Variants in DPP10 observed in about 807,000 individuals in gnomAD.
DPP10 encodes the protein dipeptidyl peptidase like 10.
A neutral mutation model predicts 120.9 loss-of-function variants in DPP10; 33 were observed. The ratio of observed to expected loss-of-function variants is 0.27; its 90% confidence interval spans 0.21 to 0.37. DPP10 has a LOEUF of 0.37. DPP10 is among the 10% of genes least tolerant of loss of function. The probability of loss-of-function intolerance (pLI) is 1.00; values close to 1 mark genes in which losing one functional copy is unlikely to be tolerated. For synonymous variants in DPP10, 337 were observed against 326.1 expected (o/e 1.03, Z -0.36); for missense variants, 816 against 942.8 (o/e 0.87, Z 1.76).
At chr2:115,279,704 C>G (rs1216740691) in intron 1 of DPP10, among the ~76,000 whole-genome samples, 1 of 130,856 alleles carries the variant, frequency 7.6e-6, no homozygotes, top group Non-Finnish European at 1.6e-5. Context: ...TTCTGTCGCC[C>G]AGGCTGGAGT....
chr2:115,366,143 TA>T (rs1485422028), intron 3 of DPP10, among the ~76,000 whole-genome samples: 7 of 151,832 alleles, frequency 4.6e-5, no homozygotes, highest in African/African-American at 1.7e-4. Context: ...ATTGAAATAA[TA>T]TTTTTTTTCC....
rs2081509056 is a variant in DPP10 at position 115,574,056 on chromosome 2, A to G, written c.441+48084A>G. ...TTCTTGGGTTGTTGTAAATTAATTCAATCATCTGCCATCCATTCATCCATG... is the reference window on the plus strand; with the variant it reads ...TTCTTGGGTTGTTGTAAATTAATTCGATCATCTGCCATCCATTCATCCATG... On this transcript the variant is annotated intron_variant, in intron 5 of 25. Transcript: ENST00000410059. Among the ~76,000 whole-genome samples, 3 of 152,098 alleles carry G rather than the reference A, an allele frequency of 2.0e-5. No individual in the cohort carries two copies. The South Asian group carries it at 6.2e-4, about 32-fold the overall frequency.
intron 1 of DPP10, among the ~76,000 whole-genome samples, chr2:115,137,060 T>G (rs1262780158): frequency 3.3e-5 from 5 of 152,154 alleles, no homozygotes; most frequent in African/African-American, 9.6e-5. Flanking sequence ...CCAGAGTAGT[T>G]AACATGAAAG....
chr2:115,092,361 C>T (rs567127073), intron 1 of DPP10, among the ~76,000 whole-genome samples: 2 of 152,292 alleles, frequency 1.3e-5, no homozygotes, highest in South Asian at 2.1e-4. Context: ...AAAGAGCCAG[C>T]TTATATCTAA....
chr2:114,768,480 G>A (rs1367351125), intron 1 of DPP10, among the ~76,000 whole-genome samples: 1 of 152,150 alleles, frequency 6.6e-6, no homozygotes, highest in African/African-American at 2.4e-5. Context: ...AGTCAGAGGT[G>A]GATCAGTGTT....
intron 1 of DPP10, among the ~76,000 whole-genome samples, chr2:115,098,574 TA>T (rs953965445): frequency 6.6e-6 from 1 of 151,684 alleles, no homozygotes; most frequent in East Asian, 1.9e-4. Context: ...ATCTAAACAT[TA>T]AAAAAAAGGT....
chr2:114,513,849 C>T (rs2104600200), intron 1 of DPP10, among the ~76,000 whole-genome samples: 1 of 152,240 alleles, frequency 6.6e-6, no homozygotes, highest in Non-Finnish European at 1.5e-5. Context: ...GAAATGACTT[C>T]AGAGCTCAAA....
intron 1 of DPP10, among the ~76,000 whole-genome samples, chr2:114,795,773 T>C (rs1337998868): frequency 6.6e-6 from 1 of 152,168 alleles, no homozygotes; most frequent in East Asian, 1.9e-4. Context: ...ATGCATAAAA[T>C]GTATGTAGAT....
chr2:115,755,135 G>A (rs953401929), intron 11 of DPP10, among the ~76,000 whole-genome samples: 3 of 151,944 alleles, frequency 2.0e-5, no homozygotes, highest in African/African-American at 7.2e-5. Flanking sequence ...CTACTATTCT[G>A]AGGTCTATTA....
At chr2:114,794,860 T>C (rs1250151669) in intron 1 of DPP10, among the ~76,000 whole-genome samples, 1 of 152,204 alleles carries the variant, frequency 6.6e-6, no homozygotes, top group Non-Finnish European at 1.5e-5. Context: ...TAAACATTAT[T>C]TAACCTCAGA....
intron 1 of DPP10, among the ~76,000 whole-genome samples, chr2:114,925,628 C>G (rs1422628989): frequency 2.0e-5 from 3 of 152,058 alleles, no homozygotes; most frequent in African/African-American, 7.2e-5. Context: ...CATTTTAAAC[C>G]AGCTATGAAA....
chr2:115,670,743 T>A (rs2089810147), intron 5 of DPP10, among the ~76,000 whole-genome samples: 1 of 152,170 alleles, frequency 6.6e-6, no homozygotes, highest in African/African-American at 2.4e-5. Context: ...TATCATGTAA[T>A]CCTTTCAGTC....
chr2:115,332,920 C>T (rs1041884889), intron 2 of DPP10, among the ~76,000 whole-genome samples: 4 of 152,046 alleles, frequency 2.6e-5, no homozygotes, highest in Non-Finnish European at 5.9e-5. Context: ...GTGGAGAGTT[C>T]TGTAGATGTC....
At chr2:115,079,651 C>T (rs1301451752) in intron 1 of DPP10, among the ~76,000 whole-genome samples, 1 of 152,158 alleles carries the variant, frequency 6.6e-6, no homozygotes, top group East Asian at 1.9e-4. Context: ...GCAGCAGCAG[C>T]TGGTGCACTG....
intron 5 of DPP10, among the ~76,000 whole-genome samples, chr2:115,529,561 G>A (rs2078342339): frequency 6.6e-6 from 1 of 151,704 alleles, no homozygotes; most frequent in South Asian, 2.1e-4. Context: ...ACTGGAAAGA[G>A]GTAAAAAGAT....
chr2:114,687,568 C>T (rs567241753), intron 1 of DPP10, among the ~76,000 whole-genome samples: 8 of 151,926 alleles, frequency 5.3e-5, no homozygotes, highest in Non-Finnish European at 1.2e-4. Context: ...CATGTTTTGC[C>T]CATTTCACTA....
intron 1 of DPP10, among the ~76,000 whole-genome samples, chr2:114,809,399 C>G (rs531159572): frequency 5.3e-5 from 8 of 152,160 alleles, no homozygotes; most frequent in Non-Finnish European, 1.2e-4. Flanking sequence ...GGATAATGCT[C>G]AGGCATCTTC....
At chr2:115,061,235 G>A (rs1042962002) in intron 1 of DPP10, among the ~76,000 whole-genome samples, 12 of 152,200 alleles carry the variant, frequency 7.9e-5, no homozygotes, top group African/African-American at 2.9e-4. Flanking sequence ...TTTAAGAAGT[G>A]TCTGACCTCT....
At chr2:115,594,875 A>G (rs1308572417) in intron 5 of DPP10, among the ~76,000 whole-genome samples, 3 of 152,178 alleles carry the variant, frequency 2.0e-5, no homozygotes, top group Non-Finnish European at 4.4e-5. Context: ...ATACTGAGAC[A>G]TATCAGAATT....
Sources: allele counts gnomAD v4.1 joint callset (sites outside exome capture counted in the v4.1 genomes callset), GRCh38; gene constraint gnomAD v4.1.1; transcripts MANE v1.5; gene names NCBI Gene and HGNC (gene_info 2026-07-23, HGNC 2026-07-21).